The following OR9Q1 variants were observed in gnomAD, a reference collection of about 807,000 sequenced individuals.
The protein encoded by OR9Q1 is olfactory receptor family 9 subfamily Q member 1.
For synonymous variants in OR9Q1, 153 were observed against 148.6 expected, an observed-to-expected ratio of 1.03 and a Z score of -0.22; for missense variants, 374 against 378.8, an observed-to-expected ratio of 0.99 and a Z score of 0.11.
intron 1 of OR9Q1, among the ~76,000 whole-genome samples, chr11:58,028,485 C>A (rs565577694): frequency 4.6e-5 from 7 of 152,296 alleles, no homozygotes; most frequent in African/African-American, 1.7e-4. Context: ...GACTCTAAAT[C>A]TCATCCTCTC....
intron 2 of OR9Q1, among the ~76,000 whole-genome samples, chr11:58,126,937 C>T (rs1854095777): frequency 6.6e-6 from 1 of 151,874 alleles, no homozygotes; most frequent in South Asian, 2.1e-4. Context: ...CTATTGTTAT[C>T]TTTAATATTG....
At chr11:58,108,971 C>T (rs570943643) in intron 2 of OR9Q1, 3 of 399,438 alleles carry the variant, frequency 7.5e-6, no homozygotes, top group Admixed American at 2.7e-5. Flanking sequence ...TACCCACCTG[C>T]CGACTTCACC....
At chr11:58,047,666 G>A (rs1853231415) in intron 1 of OR9Q1, 1 of 151,378 alleles carries the variant, frequency 6.6e-6, no homozygotes, top group African/African-American at 2.4e-5. Flanking sequence ...GGGGTCAGGA[G>A]TTTCAGACCA....
chr11:58,025,938 C>T (rs889963069), intron 1 of OR9Q1, among the ~76,000 whole-genome samples: 3 of 152,130 alleles, frequency 2.0e-5, no homozygotes, highest in African/African-American at 7.2e-5. Context: ...TTAAGGATTG[C>T]CTTCTTTCCA....
intron 2 of OR9Q1, among the ~76,000 whole-genome samples, chr11:58,173,155 C>G (rs2119953543): frequency 1.3e-5 from 2 of 151,834 alleles, no homozygotes; most frequent in Admixed American, 1.3e-4. Flanking sequence ...TATTATTATA[C>G]TTTAAGTTCT....
intron 2 of OR9Q1, among the ~76,000 whole-genome samples, chr11:58,085,913 G>A (rs1449386381): frequency 2.0e-5 from 3 of 151,744 alleles, no homozygotes. Flanking sequence ...TAGGTAGGAG[G>A]TTATAAAGCC....
chr11:58,178,175 T>A (rs1036096493), intron 2 of OR9Q1, among the ~76,000 whole-genome samples: 1 of 152,140 alleles, frequency 6.6e-6, no homozygotes, highest in African/African-American at 2.4e-5. Flanking sequence ...TTCCAACATG[T>A]GGAGGAGTCA....
chr11:58,177,946 T>A (rs2513714), intron 2 of OR9Q1, among the ~76,000 whole-genome samples: 73,077 of 151,960 alleles, frequency 0.48, 17,984 homozygotes, highest in East Asian at 0.79. Context: ...AAGAGTTGGC[T>A]AGGACTTGGA....
chr11:58,039,181 G>A (rs1284257844), intron 1 of OR9Q1, among the ~76,000 whole-genome samples: 1 of 152,076 alleles, frequency 6.6e-6, no homozygotes, highest in Admixed American at 6.6e-5. Context: ...GTAGAGATGG[G>A]CTTTCACCAT....
At chr11:58,163,033 C>A (rs1041260243) in intron 2 of OR9Q1, among the ~76,000 whole-genome samples, 1 of 152,096 alleles carries the variant, frequency 6.6e-6, no homozygotes, top group African/African-American at 2.4e-5. Flanking sequence ...ATCAGATAGG[C>A]AATAAATACA....
At chr11:58,163,549 C>A (rs571994507) in intron 2 of OR9Q1, among the ~76,000 whole-genome samples, 1 of 152,296 alleles carries the variant, frequency 6.6e-6, no homozygotes, top group East Asian at 1.9e-4. Context: ...AAGGTCATGC[C>A]AACTTGCTGT....
At chr11:58,130,401 A>G (rs1031605045) in intron 2 of OR9Q1, among the ~76,000 whole-genome samples, 1 of 152,218 alleles carries the variant, frequency 6.6e-6, no homozygotes, top group African/African-American at 2.4e-5. Context: ...CATTATTAAC[A>G]GGAGTGATGG....
chr11:58,087,676 G>A (rs1853646595), intron 2 of OR9Q1, among the ~76,000 whole-genome samples: 1 of 151,742 alleles, frequency 6.6e-6, no homozygotes, highest in Non-Finnish European at 1.5e-5. Flanking sequence ...TTTAAGCCCA[G>A]CATGCATTAG....
At chr11:58,031,293 CTGAG>C in intron 1 of OR9Q1, 1 of 1,614,138 alleles carries the variant, frequency 6.2e-7, no homozygotes, top group Non-Finnish European at 8.5e-7. Flanking sequence ...CTTGGGGCAA[CTGAG>C]TGTTTCCTAC....
At chr11:58,029,183 G>T (rs1176089386) in intron 1 of OR9Q1, among the ~76,000 whole-genome samples, 2 of 152,212 alleles carry the variant, frequency 1.3e-5, no homozygotes, top group East Asian at 3.8e-4. Flanking sequence ...AGCTTGGCCA[G>T]CTCAACTGGG....
intron 2 of OR9Q1, among the ~76,000 whole-genome samples, chr11:58,103,993 A>G (rs923410363): frequency 2.0e-5 from 3 of 152,186 alleles, no homozygotes; most frequent in Non-Finnish European, 4.4e-5. Flanking sequence ...CATGCACTGC[A>G]TCAGTAGCAT....
Position 58,055,422 on chromosome 11 carries a change from A to G in OR9Q1, c.-92-448A>G, listed in dbSNP as rs180844611. On this transcript the variant is annotated intron_variant, in intron 1 of 2. Transcript: ENST00000335397. ...CCTCTAAAATTCATGTTGAAACTTA[A>G]TTATCATTGTGGTGGTACTAAGAGG... 2.7e-3 allele frequency among the ~76,000 whole-genome samples: 405 copies of G among 152,146 alleles called. 3 individuals carry two copies. Among genetic ancestry groups the G allele is most frequent in the Non-Finnish European group, 2.8e-3 (188 of 67,994 alleles).
chr11:58,103,355 G>A (rs1423179588), intron 2 of OR9Q1, among the ~76,000 whole-genome samples: 2 of 152,110 alleles, frequency 1.3e-5, no homozygotes, highest in Non-Finnish European at 2.9e-5. Context: ...ACAACATGCG[G>A]TGATTATGGG....
At chr11:58,045,397 C>T (rs1055073079) in intron 1 of OR9Q1, 2 of 152,044 alleles carry the variant, frequency 1.3e-5, no homozygotes. Flanking sequence ...TACCGCCGGG[C>T]CAATTTTTGT....
Sources: gnomAD v4.1 joint callset for allele counts (sites outside exome capture counted in the v4.1 genomes callset) on GRCh38, gnomAD v4.1.1 for gene constraint, MANE v1.5 for transcripts, NCBI Gene and HGNC (gene_info 2026-07-23, HGNC 2026-07-21) for gene names.